CDH7: variants seen among roughly 807,000 people sequenced by gnomAD.
CDH7 encodes the protein cadherin-7.
CDH7 carries 25 observed loss-of-function variants against 71.8 expected under a neutral mutation model. That is an observed-to-expected ratio of 0.35 (90% confidence interval 0.25 to 0.49). The LOEUF (loss-of-function observed/expected upper bound fraction) is 0.49. CDH7 is among the 20% of genes least tolerant of loss of function. The pLI, the probability that CDH7 is intolerant of heterozygous loss-of-function variation, is 0.99. For synonymous variants in CDH7, 381 were observed against 363.8 expected, an observed-to-expected ratio of 1.05 and a Z score of -0.54; for missense variants, 862 against 974.6, an observed-to-expected ratio of 0.88 and a Z score of 1.54.
chr18:65,779,257 CT>C (rs34051231), intron 2 of CDH7, among the ~76,000 whole-genome samples: 1,177 of 72,844 alleles, frequency 0.016, 23 homozygotes, highest in African/African-American at 0.053. Flanking sequence ...AGAAAACATT[CT>C]TTTTTTTTTT....
chr18:65,790,536 T>C (rs1910677503), intron 2 of CDH7, among the ~76,000 whole-genome samples: 2 of 152,156 alleles, frequency 1.3e-5, no homozygotes, highest in Admixed American at 1.3e-4. Flanking sequence ...TAAAAAATGC[T>C]ACATTAAGTA....
intron 6 of CDH7, among the ~76,000 whole-genome samples, chr18:65,828,804 C>G (rs1912227240): frequency 6.6e-6 from 1 of 152,164 alleles, no homozygotes; most frequent in African/African-American, 2.4e-5. Flanking sequence ...ATGTAATTCA[C>G]AGTTTATGTG....
rs1015878253 is a variant in CDH7, at chr18:65,882,835, C to T, written c.*1941C>T. The T allele has an allele frequency of 2.0e-5, 3 of 152,010 alleles. No homozygotes were observed. Among genetic ancestry groups the T allele is most frequent in the African/African-American group, 4.8e-5 (2 of 41,422 alleles). 9.4% of individuals were successfully genotyped at this position (152,010 alleles called of 1,614,324 possible). A position where few individuals can be genotyped will look rare whatever the true frequency, so the allele number is the denominator to read the frequency against. On this transcript the variant is annotated 3_prime_UTR_variant, in exon 12 of 12. Transcript: ENST00000397968. ...AAAAAACACGCGTATTTACCCAGTTCAATAAAATCAGAGTGTGGTGCAGGA... is the reference window on the plus strand; with the variant it reads ...AAAAAACACGCGTATTTACCCAGTTTAATAAAATCAGAGTGTGGTGCAGGA...
chr18:65,782,150 CTTT>C (rs1568182644), intron 2 of CDH7, among the ~76,000 whole-genome samples: 8 of 105,492 alleles, frequency 7.6e-5, no homozygotes, highest in Non-Finnish European at 3.5e-5. Flanking sequence ...TTCTTTCTTT[CTTT>C]CTTTCTTTCT....
chr18:65,863,276 G>A (rs1262865760), intron 11 of CDH7: 5 of 242,720 alleles, frequency 2.1e-5, no homozygotes, highest in African/African-American at 8.8e-5. Context: ...GACCTCAGGT[G>A]ATCCACCCAC....
chr18:65,822,040 G>A (rs1453950363), intron 4 of CDH7, 41 bp from the exon 5 acceptor site: 4 of 1,491,814 alleles, frequency 2.7e-6, no homozygotes, highest in Non-Finnish European at 3.7e-6. Flanking sequence ...TATAAATGCA[G>A]TGATTCATGA....
chr18:65,810,580 C>T (rs555745857), intron 3 of CDH7, among the ~76,000 whole-genome samples: 4 of 152,120 alleles, frequency 2.6e-5, no homozygotes, highest in Non-Finnish European at 4.4e-5. Context: ...ATCAGGGATA[C>T]ATGTGCAGGA....
At chr18:65,755,980 AAAAC>A (rs1432207387) in intron 1 of CDH7, among the ~76,000 whole-genome samples, 1 of 151,058 alleles carries the variant, frequency 6.6e-6, no homozygotes, top group Non-Finnish European at 1.5e-5. Context: ...AACAAACAAA[AAAAC>A]AAAAACAAAA....
chr18:65,880,374 C>T (rs766587950), intron 11 of CDH7, 27 bp from the exon 12 acceptor site: 2 of 1,515,920 alleles, frequency 1.3e-6, no homozygotes, highest in Admixed American at 4.6e-5. Flanking sequence ...TTTACTGAAA[C>T]TTTCTCTTCC....
chr18:65,801,149 C>T (rs547257592), intron 2 of CDH7, among the ~76,000 whole-genome samples: 1 of 152,198 alleles, frequency 6.6e-6, no homozygotes, highest in Admixed American at 6.5e-5. Context: ...CTCTTGTTAC[C>T]CCTTCTGGTT....
At chr18:65,872,348 G>A (rs911134346) in intron 11 of CDH7, among the ~76,000 whole-genome samples, 10 of 152,104 alleles carry the variant, frequency 6.6e-5, no homozygotes, top group Non-Finnish European at 1.3e-4. Flanking sequence ...GTGGAAATGT[G>A]GAGTAGGCTA....
chr18:65,840,118 A>G (rs574407295), intron 6 of CDH7, among the ~76,000 whole-genome samples: 229 of 152,348 alleles, frequency 1.5e-3, no homozygotes, highest in African/African-American at 5.1e-3. Context: ...TAATATTTAT[A>G]CTTCACAAAA....
intron 2 of CDH7, among the ~76,000 whole-genome samples, chr18:65,776,801 A>G (rs187728177): frequency 3.3e-5 from 5 of 152,304 alleles, no homozygotes; most frequent in Admixed American, 3.3e-4. Context: ...CACAAGTGGT[A>G]GCATTTAAAT....
intron 2 of CDH7, among the ~76,000 whole-genome samples, chr18:65,795,576 TGAA>T (rs1305134875): frequency 6.6e-6 from 1 of 152,088 alleles, no homozygotes; most frequent in Non-Finnish European, 1.5e-5. Context: ...CTCAGAGAAA[TGAA>T]GAGCAAATGA....
chr18:65,795,231 C>A (rs1321017846), intron 2 of CDH7, among the ~76,000 whole-genome samples: 1 of 151,962 alleles, frequency 6.6e-6, no homozygotes, highest in East Asian at 1.9e-4. Context: ...TGACACATGT[C>A]CATTCCGTTG....
At chr18:65,828,056 T>C (rs906804221) in intron 6 of CDH7, among the ~76,000 whole-genome samples, 1 of 151,790 alleles carries the variant, frequency 6.6e-6, no homozygotes, top group Non-Finnish European at 1.5e-5. Flanking sequence ...GAGTAGATAC[T>C]AGATAGTGGG....
chr18:65,861,230 T>A (rs1447764147), intron 10 of CDH7, among the ~76,000 whole-genome samples: 1 of 151,698 alleles, frequency 6.6e-6, no homozygotes. Context: ...ACAGAGAGAG[T>A]CAGTTCTTAA....
chr18:65,862,674 G>A lies in CDH7; in HGVS notation c.1621G>A (p.Ala541Thr). 13 of 1,614,060 alleles carry A rather than the reference G, an allele frequency of 8.1e-6. No homozygotes were observed. Among genetic ancestry groups the A allele is most frequent in the Non-Finnish European group, 1.1e-5 (13 of 1,179,948 alleles). ...FSLKDNKDNT[A>T]SILTRRNGFR... ...TGCTTTCGTTATCCTAGACAACACA[G>A]CCTCAATACTGACCAGGAGAAACGG... The change falls in exon 11 of 12, where the codon GCC becomes ACC. Residue 541 changes from alanine (A) to threonine (T), a missense_variant. By Grantham distance (58) the Ala-to-Thr change is moderately conservative. Coordinates refer to ENST00000397968, the MANE Select transcript of CDH7 (RefSeq NM_004361.5).
chr18:65,843,711 A>G, intron 6 of CDH7, 101 bp from the exon 7 acceptor site: 3 of 1,079,076 alleles, frequency 2.8e-6, no homozygotes, highest in Non-Finnish European at 3.9e-6. Context: ...CATTTACATG[A>G]CAGAGTCCTT....
Sources: gnomAD v4.1 joint callset for allele counts (sites outside exome capture counted in the v4.1 genomes callset) on GRCh38, gnomAD v4.1.1 for gene constraint, MANE v1.5 for transcripts, NCBI Gene and HGNC (gene_info 2026-07-23, HGNC 2026-07-21) for gene names.